The following DPP8 variants were observed in gnomAD, a reference collection of about 807,000 sequenced individuals.
DPP8 encodes the protein dipeptidyl peptidase 8.
Under a neutral mutation model 107.5 loss-of-function variants are expected in DPP8, and 31 were observed. That is an observed-to-expected ratio of 0.29 (90% CI 0.22 to 0.39). The LOEUF is 0.39. Ranked by LOEUF, DPP8 falls within the 10% of genes least tolerant of loss-of-function variation. The pLI, the probability that DPP8 is intolerant of heterozygous loss-of-function variation, is 1.00. For synonymous variants in DPP8, 381 were observed against 356.6 expected (o/e 1.07, Z -0.77); for missense variants, 842 against 1,076.1 (o/e 0.78, Z 3.04).
At chr15:65,517,212 G>C (rs1479983184) in intron 1 of DPP8, 1 of 152,284 alleles carries the variant, frequency 6.6e-6, no homozygotes, top group Non-Finnish European at 1.5e-5. Context: ...GGACGTGGAA[G>C]CCAGGAGGCC....
intron 2 of DPP8, 114 bp from the exon 3 acceptor site, chr15:65,507,469 A>C (rs1190945897): frequency 1.7e-6 from 1 of 581,094 alleles, no homozygotes; most frequent in African/African-American, 1.9e-5. Flanking sequence ...ACTCTATGGG[A>C]TATATAATGA....
At chr15:65,473,970 G>T (rs1311105968) in intron 12 of DPP8, among the ~76,000 whole-genome samples, 2 of 152,050 alleles carry the variant, frequency 1.3e-5, no homozygotes, top group African/African-American at 4.8e-5. Flanking sequence ...CGGGCGTGGT[G>T]GCACATGCCT....
intron 15 of DPP8, among the ~76,000 whole-genome samples, chr15:65,457,445 G>C (rs1341943837): frequency 6.6e-6 from 1 of 151,896 alleles, no homozygotes; most frequent in Non-Finnish European, 1.5e-5. Flanking sequence ...GCTCAGTGCT[G>C]CCTCAAATTC....
At position 65,487,751 on chromosome 15, in the gene DPP8, A is replaced by T; in HGVS notation, c.894T>A (p.Ile298=). 6.2e-7 allele frequency: 1 copy of T among 1,603,294 alleles called. No homozygotes were observed. The highest frequency in any genetic ancestry group is 2.2e-5 in the East Asian group (1 of 44,710). ...TTTCCAACATAGGGGATGTAACATG[A>T]ATAATTTCCACCTCAGATTCATCAT... ...EENDESEVEI[I]HVTSPMLETR... The change falls in exon 7 of 20, where the codon ATT becomes ATA. Residue 298 remains isoleucine (I), a synonymous_variant. Coordinates refer to ENST00000300141, the MANE Select transcript of DPP8 (RefSeq NM_130434.5).
chr15:65,473,884 A>G (rs1037420265), intron 12 of DPP8, among the ~76,000 whole-genome samples: 3 of 152,100 alleles, frequency 2.0e-5, no homozygotes, highest in Non-Finnish European at 2.9e-5. Context: ...AGGGCGAATC[A>G]CAAGGTCAGG....
chr15:65,459,823 T>C (rs893238945), intron 15 of DPP8, among the ~76,000 whole-genome samples: 4 of 152,026 alleles, frequency 2.6e-5, no homozygotes, highest in Non-Finnish European at 1.5e-5. Flanking sequence ...GGTATGGTGC[T>C]GCGCACCTGT....
At chr15:65,452,897 G>A (rs1032241417) in intron 17 of DPP8, among the ~76,000 whole-genome samples, 1 of 152,010 alleles carries the variant, frequency 6.6e-6, no homozygotes, top group African/African-American at 2.4e-5. Flanking sequence ...GCTTGAACCT[G>A]AGAGGCGGAG....
chr15:65,448,872 A>ATATATGTGTGTGTGTG (rs1555444639), intron 19 of DPP8, among the ~76,000 whole-genome samples: 1 of 8,356 alleles, frequency 1.2e-4, no homozygotes, highest in African/African-American at 4.5e-4. Context: ...TAAAATATAT[A>ATATATGTGTGTGTGTG]TATATATATA....
intron 15 of DPP8, among the ~76,000 whole-genome samples, chr15:65,461,433 C>A (rs2064912398): frequency 6.6e-6 from 1 of 152,122 alleles, no homozygotes; most frequent in African/African-American, 2.4e-5. Context: ...CTACACCCAG[C>A]CTAATCTTTA....
chr15:65,465,569 CTTTTTTTTTT>C (rs556724106), intron 14 of DPP8, among the ~76,000 whole-genome samples: 88 of 128,600 alleles, frequency 6.8e-4, no homozygotes, highest in African/African-American at 2.3e-3. Context: ...CCAGTCCATT[CTTTTTTTTTT>C]TTTTTTGACT....
rs1011274179 is a variant in DPP8, at chr15:65,444,535, C to T, written c.*2349G>A. On this transcript the variant is annotated 3_prime_UTR_variant, in exon 20 of 20. Transcript: ENST00000300141. ...TCAATTGACTATGATATTTTCCACA[C>T]TGATTGTAAAAAGCAAATTCAGTCA... is the stretch of plus-strand genomic sequence containing the variant. 5.9e-5 allele frequency: 9 copies of T among 152,182 alleles called. No individual in the cohort carries two copies. Among genetic ancestry groups the T allele is most frequent in the African/African-American group, 2.2e-4 (9 of 41,438 alleles). The allele number at this position is 152,182 out of a possible 1,614,324, so 9.4% of individuals were successfully genotyped here.
intron 17 of DPP8, among the ~76,000 whole-genome samples, chr15:65,452,695 G>A (rs1311820479): frequency 6.6e-6 from 1 of 152,072 alleles, no homozygotes; most frequent in East Asian, 1.9e-4. Context: ...TTAATGGTCA[G>A]GTGCAATGGC....
At chr15:65,481,131 AGTCTT>A (rs1286136289) in intron 9 of DPP8, among the ~76,000 whole-genome samples, 2 of 152,116 alleles carry the variant, frequency 1.3e-5, no homozygotes, top group African/African-American at 4.8e-5. Context: ...AACAAATGCC[AGTCTT>A]GTGAAACTCC....
intron 1 of DPP8, among the ~76,000 whole-genome samples, chr15:65,513,957 G>T (rs1200163930): frequency 6.6e-6 from 1 of 152,120 alleles, no homozygotes; most frequent in Admixed American, 6.5e-5. Flanking sequence ...ATGTGGACTT[G>T]GGAGATAAAC....
At chr15:65,463,984 A>G (rs1022473529) in intron 14 of DPP8, 78 bp from the exon 15 acceptor site, 4 of 1,164,998 alleles carry the variant, frequency 3.4e-6, no homozygotes, top group Non-Finnish European at 4.7e-6. Flanking sequence ...GAAACAAGAT[A>G]TTAAAAGTCA....
intron 1 of DPP8, 49 bp from the exon 2 acceptor site, chr15:65,512,613 T>C: frequency 1.3e-6 from 2 of 1,589,106 alleles, no homozygotes; most frequent in Non-Finnish European, 1.7e-6. Flanking sequence ...TCTTCTATTA[T>C]CAGAATGATT....
intron 11 of DPP8, 70 bp from the exon 12 acceptor site, chr15:65,474,358 GTACTC>G: frequency 2.6e-6 from 3 of 1,171,314 alleles, no homozygotes; most frequent in Non-Finnish European, 3.8e-6. Context: ...ATTAAGAACA[GTACTC>G]TAAGCTCTTT....
intron 15 of DPP8, among the ~76,000 whole-genome samples, chr15:65,457,924 C>T (rs1002689487): frequency 1.3e-5 from 2 of 152,028 alleles, no homozygotes; most frequent in Non-Finnish European, 2.9e-5. Context: ...CTCTGAATAG[C>T]TGGGATTACA....
At chr15:65,492,306 C>A (rs2068117465) in intron 5 of DPP8, among the ~76,000 whole-genome samples, 1 of 151,998 alleles carries the variant, frequency 6.6e-6, no homozygotes, top group East Asian at 2.0e-4. Context: ...CATGCCACTG[C>A]ACTCCAGCCT....
Sources: allele counts gnomAD v4.1 joint callset (sites outside exome capture counted in the v4.1 genomes callset), GRCh38; gene constraint gnomAD v4.1.1; transcripts MANE v1.5; gene names NCBI Gene and HGNC (gene_info 2026-07-23, HGNC 2026-07-21).